The following SKAP1 variants were observed in gnomAD, a reference collection of about 807,000 sequenced individuals.
SKAP1 encodes the protein src kinase associated phosphoprotein 1.
In SKAP1, 44 loss-of-function variants were observed where a neutral mutation model predicts 58.5. The ratio of observed to expected loss-of-function variants is 0.75; its 90% confidence interval spans 0.59 to 0.97. SKAP1 has a LOEUF of 0.97. SKAP1 is among the 50% of genes least tolerant of loss of function. The pLI is 0.00. For synonymous variants in SKAP1, 127 were observed against 149.7 expected (o/e 0.85, Z 1.11); for missense variants, 390 against 435.2 (o/e 0.90, Z 0.92).
intron 11 of SKAP1, among the ~76,000 whole-genome samples, chr17:48,145,806 TG>T (rs749124457): frequency 3.9e-5 from 6 of 152,326 alleles, no homozygotes; most frequent in Admixed American, 3.9e-4. Context: ...AGACATGACC[TG>T]GAATGACCAT....
intron 4 of SKAP1, among the ~76,000 whole-genome samples, chr17:48,237,110 C>T (rs2065189802): frequency 1.3e-5 from 2 of 152,202 alleles, no homozygotes; most frequent in African/African-American, 2.4e-5. Context: ...AAACCATCCA[C>T]TTACTTGTTG....
intron 11 of SKAP1, among the ~76,000 whole-genome samples, chr17:48,138,194 A>G (rs1202533065): frequency 6.6e-6 from 1 of 151,856 alleles, no homozygotes; most frequent in Non-Finnish European, 1.5e-5. Flanking sequence ...GATGTTGAAG[A>G]GTATGGGGCT....
intron 4 of SKAP1, among the ~76,000 whole-genome samples, chr17:48,306,071 T>C (rs1452190018): frequency 2.0e-5 from 3 of 152,198 alleles, no homozygotes. Flanking sequence ...ATTTTCTTTA[T>C]TCTTTCTAAA....
At chr17:48,182,199 C>T (rs2064378299) in intron 8 of SKAP1, among the ~76,000 whole-genome samples, 195 bp downstream of exon 8, 1 of 152,076 alleles carries the variant, frequency 6.6e-6, no homozygotes, top group Admixed American at 6.6e-5. Context: ...AGAGGTCCTC[C>T]CAAGGTTGAT....
At chr17:48,394,347 C>T (rs979755436) in intron 2 of SKAP1, among the ~76,000 whole-genome samples, 8 of 151,806 alleles carry the variant, frequency 5.3e-5, no homozygotes, top group Admixed American at 5.3e-4. Context: ...TTATTTTTTA[C>T]TCTTTTTTTT....
At chr17:48,435,649 T>C in the SKAP1 span, among the ~76,000 whole-genome samples, 1 of 152,244 alleles carries the variant, frequency 6.6e-6, no homozygotes. Context: ...TTTTCATCTG[T>C]TATTTCAAAG....
At chr17:48,149,102 C>A (rs2063868085) in intron 11 of SKAP1, among the ~76,000 whole-genome samples, 1 of 152,202 alleles carries the variant, frequency 6.6e-6, no homozygotes, top group Non-Finnish European at 1.5e-5. Flanking sequence ...CTTGTTAGTT[C>A]CCAGGGCCAA....
At chr17:48,243,319 C>A (rs1433544313) in intron 4 of SKAP1, among the ~76,000 whole-genome samples, 1 of 152,110 alleles carries the variant, frequency 6.6e-6, no homozygotes, top group African/African-American at 2.4e-5. Flanking sequence ...ATATAATAAG[C>A]CCATGATTGG....
chr17:48,356,599 T>C (rs1302599246), intron 3 of SKAP1, among the ~76,000 whole-genome samples: 2 of 152,182 alleles, frequency 1.3e-5, no homozygotes, highest in African/African-American at 4.8e-5. Context: ...TTTTTTCCTC[T>C]TTTTAAACAA....
chr17:48,200,207 GA>G (rs2064709113), intron 4 of SKAP1, among the ~76,000 whole-genome samples: 1 of 151,800 alleles, frequency 6.6e-6, no homozygotes, highest in Non-Finnish European at 1.5e-5. Flanking sequence ...TGAGGCAGGA[GA>G]ATTGCTTGAA....
intron 4 of SKAP1, among the ~76,000 whole-genome samples, chr17:48,303,804 TA>T (rs2066096053): frequency 6.6e-6 from 1 of 152,154 alleles, no homozygotes. Flanking sequence ...TGCTAGATAA[TA>T]AGGGGATATT....
At chr17:48,443,570 G>A in the SKAP1 span, among the ~76,000 whole-genome samples, 1 of 152,064 alleles carries the variant, frequency 6.6e-6, no homozygotes, top group Non-Finnish European at 1.5e-5. Flanking sequence ...CTGCCTCCTG[G>A]GTTCAAGCAA....
intron 4 of SKAP1, among the ~76,000 whole-genome samples, chr17:48,209,110 G>C (rs947812822): frequency 6.6e-6 from 1 of 152,136 alleles, no homozygotes; most frequent in Non-Finnish European, 1.5e-5. Flanking sequence ...AAGCCTCCTA[G>C]TTAGTAAGTG....
chr17:48,255,457 C>T (rs1405434703), intron 4 of SKAP1, among the ~76,000 whole-genome samples: 1 of 150,274 alleles, frequency 6.7e-6, no homozygotes, highest in African/African-American at 2.4e-5. Flanking sequence ...TATAGTTGTA[C>T]TGCACATTAG....
At chr17:48,229,543 C>T (rs1324763655) in intron 4 of SKAP1, among the ~76,000 whole-genome samples, 1 of 152,020 alleles carries the variant, frequency 6.6e-6, no homozygotes, top group Non-Finnish European at 1.5e-5. Context: ...ATTGCTTAAA[C>T]CCAGGAGGCA....
At chr17:48,314,011 G>A (rs1186741627) in intron 4 of SKAP1, among the ~76,000 whole-genome samples, 1 of 152,166 alleles carries the variant, frequency 6.6e-6, no homozygotes, top group Non-Finnish European at 1.5e-5. Context: ...TTTATGAGTT[G>A]ACTTTAAAAA....
chr17:48,323,396 T>C (rs2066393880), intron 4 of SKAP1, among the ~76,000 whole-genome samples: 1 of 152,044 alleles, frequency 6.6e-6, no homozygotes, highest in African/African-American at 2.4e-5. Context: ...TTTAATGGAT[T>C]ATGGAAACTC....
intron 4 of SKAP1, among the ~76,000 whole-genome samples, chr17:48,328,398 G>C (rs751377613): frequency 2.6e-5 from 4 of 152,126 alleles, no homozygotes; most frequent in African/African-American, 9.7e-5. Flanking sequence ...GGGCCTATAT[G>C]ACTTAATGAA....
At chr17:48,153,282 C>T (rs2063926861) in intron 11 of SKAP1, among the ~76,000 whole-genome samples, 1 of 152,146 alleles carries the variant, frequency 6.6e-6, no homozygotes, top group Admixed American at 6.5e-5. Flanking sequence ...CATAAACACC[C>T]TCTCCCTTTT....
Sources: gnomAD v4.1 joint callset for allele counts (sites outside exome capture counted in the v4.1 genomes callset) on GRCh38, gnomAD v4.1.1 for gene constraint, MANE v1.5 for transcripts, NCBI Gene and HGNC (gene_info 2026-07-23, HGNC 2026-07-21) for gene names.